ALDH1L1: variants seen among roughly 807,000 people sequenced by gnomAD.
ALDH1L1 encodes aldehyde dehydrogenase 1 family member L1.
In ALDH1L1, 68 loss-of-function variants were observed where a neutral mutation model predicts 101.1. The ratio of observed to expected loss-of-function variants is 0.67; its 90% CI spans 0.55 to 0.82. ALDH1L1 has a LOEUF of 0.82. ALDH1L1 is among the 40% of genes least tolerant of loss of function. The probability of loss-of-function intolerance (pLI) is 0.00; values close to 1 mark genes in which losing one functional copy is unlikely to be tolerated. For missense variants in ALDH1L1, 1,087 were observed against 1,172.7 expected (o/e 0.93, Z 1.07); for synonymous variants, 486 against 470.8 (o/e 1.03, Z -0.42).
At chr3:126,112,245 C>T (rs1024905052) in intron 19 of ALDH1L1, among the ~76,000 whole-genome samples, 14 of 152,334 alleles carry the variant, frequency 9.2e-5, no homozygotes, top group African/African-American at 3.1e-4. Flanking sequence ...AAGGTGGCTG[C>T]AGAGCCTGAC....
At chr3:126,143,670 A>G (rs1357609986) in intron 9 of ALDH1L1, among the ~76,000 whole-genome samples, 1 of 152,226 alleles carries the variant, frequency 6.6e-6, no homozygotes, top group Non-Finnish European at 1.5e-5. Context: ...AGAAATCTTT[A>G]AATGGGCCAA....
intron 9 of ALDH1L1, among the ~76,000 whole-genome samples, chr3:126,146,261 A>G (rs1271266176): frequency 1.3e-5 from 2 of 152,070 alleles, no homozygotes; most frequent in Non-Finnish European, 2.9e-5. Flanking sequence ...CAATGAACAC[A>G]ACGTGCTCAC....
chr3:126,149,223 C>T (rs2080759568), intron 8 of ALDH1L1, among the ~76,000 whole-genome samples: 1 of 152,208 alleles, frequency 6.6e-6, no homozygotes, highest in African/African-American at 2.4e-5. Flanking sequence ...GATGCTTAGA[C>T]GTATTGCCGA....
At chr3:126,163,334 T>A (rs1322760444) in intron 1 of ALDH1L1, among the ~76,000 whole-genome samples, 3 of 152,232 alleles carry the variant, frequency 2.0e-5, no homozygotes, top group African/African-American at 7.2e-5. Flanking sequence ...CATATAAATT[T>A]TCATACTGTG....
intron 1 of ALDH1L1, among the ~76,000 whole-genome samples, chr3:126,178,781 C>T (rs1041485702): frequency 1.3e-5 from 2 of 151,594 alleles, no homozygotes; most frequent in Non-Finnish European, 2.9e-5. Flanking sequence ...TGTGTGCATG[C>T]GTGTGTTTAT....
upstream of ALDH1L1, among the ~76,000 whole-genome samples, chr3:126,184,170 T>C (rs1310453118): frequency 1.3e-5 from 2 of 152,196 alleles, no homozygotes; most frequent in African/African-American, 4.8e-5. Flanking sequence ...GAAGCCAGCT[T>C]GTCCCTGTCC....
Position 126,114,633 on chromosome 3 carries a change from T to G in ALDH1L1, c.2006A>C (p.Lys669Thr). Residue 669 changes from lysine to threonine, a missense_variant, in exon 18 of 23, where the codon AAG (lysine) becomes ACG (threonine). By Grantham distance (78) the Lys-to-Thr change is moderately conservative (BLOSUM62 -1). Transcript: ENST00000393434. ...CTTCCCGCCCAGTTCCAGGGACACCTTCTTCACGTTACTTATGGCACAGCT... is the reference window on the plus strand; with the variant it reads ...CTTCCCGCCCAGTTCCAGGGACACCGTCTTCACGTTACTTATGGCACAGCT... Reference protein sequence around the residue: ...MKSCAISNVKKVSLELGGKSP... With the variant: ...MKSCAISNVKTVSLELGGKSP... 6.6e-7 allele frequency: 1 copy of G among 1,520,374 alleles called. No homozygotes were observed. Among genetic ancestry groups the G allele is most frequent in the Non-Finnish European group, 8.8e-7 (1 of 1,133,652 alleles). 94.2% of individuals were successfully genotyped at this position (1,520,374 alleles called of 1,614,324 possible). A position where few individuals can be genotyped will look rare whatever the true frequency, so the allele number is the denominator to read the frequency against.
chr3:126,164,754 T>G (rs1258497356), intron 1 of ALDH1L1, among the ~76,000 whole-genome samples: 2 of 152,112 alleles, frequency 1.3e-5, no homozygotes, highest in Non-Finnish European at 2.9e-5. Flanking sequence ...GATTGCTGGG[T>G]TGGATGGTAG....
At chr3:126,163,231 T>G (rs1335112294) in intron 1 of ALDH1L1, among the ~76,000 whole-genome samples, 1 of 152,226 alleles carries the variant, frequency 6.6e-6, no homozygotes, top group Non-Finnish European at 1.5e-5. Flanking sequence ...TGACCCATTT[T>G]AAAAATTGGT....
chr3:126,183,687 C>A (rs1576509331), upstream of ALDH1L1, among the ~76,000 whole-genome samples: 1 of 152,196 alleles, frequency 6.6e-6, no homozygotes, highest in African/African-American at 2.4e-5. Flanking sequence ...TTATCCAATG[C>A]CTATCCCACC....
rs185865705 is a variant in ALDH1L1, at chr3:126,154,529, G to A, written c.720+25C>T. 7.3e-5 allele frequency: 118 copies of A among 1,611,378 alleles called. No individual in the cohort carries two copies. In the African/African-American group the frequency reaches 1.4e-3, roughly 19 times the overall value. ...GTGGGATACACCAATGCACGTGGCT[G>A]GATTCCAGCCATGCAGGGACACACC... On this transcript the variant is annotated intron_variant, in intron 6 of 22. Transcript: ENST00000393434.
chr3:126,103,810 G>A lies in ALDH1L1; in HGVS notation c.2690C>T (p.Thr897Ile). The change falls in exon 23 of 23, where the codon ACA becomes ATA. Residue 897 changes from threonine to isoleucine, a missense_variant. Physicochemically the swap from Thr to Ile is moderately conservative, Grantham distance 89. Around this residue, in one of 2 missense-constraint regions of ALDH1L1, gnomAD observed 442 missense variants for 535.7 expected, o/e 0.83. Coordinates refer to ENST00000393434, the MANE Select transcript of ALDH1L1 (RefSeq NM_012190.4). ...AALNEYLRVK[T>I]VTFEY ...CTTTCTTCAGTATTCGAAGGTCACT[G>A]TCTTGACCCGCAGGTACTCGTTCAG... is the stretch of plus-strand genomic sequence containing the variant. 1 of 1,613,738 alleles carries A rather than the reference G, an allele frequency of 6.2e-7. No homozygotes were observed. The highest frequency in any genetic ancestry group is 8.5e-7 in the Non-Finnish European group (1 of 1,179,852).
At chr3:126,146,381 C>A (rs1305918960) in intron 9 of ALDH1L1, among the ~76,000 whole-genome samples, 3 of 152,190 alleles carry the variant, frequency 2.0e-5, no homozygotes, top group Non-Finnish European at 4.4e-5. Context: ...GTGAGCCCAG[C>A]TGACAGCAGC....
chr3:126,122,547 A>G (rs2080099805), intron 16 of ALDH1L1, among the ~76,000 whole-genome samples: 1 of 152,174 alleles, frequency 6.6e-6, no homozygotes, highest in Admixed American at 6.5e-5. Context: ...GCACATAGGG[A>G]CTTGTTCTCC....
intron 10 of ALDH1L1, among the ~76,000 whole-genome samples, chr3:126,137,194 A>T (rs552403947): frequency 6.6e-6 from 1 of 152,154 alleles, no homozygotes; most frequent in Non-Finnish European, 1.5e-5. Flanking sequence ...AGCCCCAGAC[A>T]TGCTACAACC....
intron 8 of ALDH1L1, among the ~76,000 whole-genome samples, chr3:126,148,061 C>T (rs1051377766): frequency 6.6e-6 from 1 of 152,166 alleles, no homozygotes; most frequent in Non-Finnish European, 1.5e-5. Context: ...TGCCTCAGAC[C>T]ACACCGCTTG....
Position 126,147,252 on chromosome 3 carries a change from G to A in ALDH1L1, c.985-326C>T, listed in dbSNP as rs145553131. Among the ~76,000 whole-genome samples the A allele has an allele frequency of 8.9e-3, 1,359 of 152,278 alleles. 16 individuals are homozygous for A. Among genetic ancestry groups the A allele is most frequent in the African/African-American group, 0.032 (1,313 of 41,550 alleles). ...ATGTGCCAGGCCTCTAGGCATGGCT[G>A]GGGACTAGGAAGGTGGGGCCCAGCT... On this transcript the variant is annotated intron_variant, in intron 8 of 22. Transcript: ENST00000393434.
chr3:126,180,618 A>G, upstream of ALDH1L1: 2 of 1,270,034 alleles, frequency 1.6e-6, no homozygotes, highest in African/African-American at 1.5e-5. Flanking sequence ...GGTTAAGGCC[A>G]GAGCCCGTGA....
intron 1 of ALDH1L1, among the ~76,000 whole-genome samples, chr3:126,177,101 T>C (rs1178651506): frequency 6.6e-6 from 1 of 152,232 alleles, no homozygotes; most frequent in African/African-American, 2.4e-5. Flanking sequence ...TATTTATTAC[T>C]GGTAGAAATG....
Sources: allele counts gnomAD v4.1 joint callset (sites outside exome capture counted in the v4.1 genomes callset), GRCh38; gene constraint gnomAD v4.1.1; regional missense constraint gnomAD v4.1.1; transcripts MANE v1.5; gene names NCBI Gene and HGNC (gene_info 2026-07-23, HGNC 2026-07-21).